NKD1: variants seen among roughly 807,000 people sequenced by gnomAD.
NKD1 encodes the protein protein naked cuticle homolog 1.
Under a neutral mutation model 56.0 loss-of-function variants are expected in NKD1, and 21 were observed. That is an observed-to-expected ratio of 0.38 (90% confidence interval 0.27 to 0.54). NKD1 has a LOEUF of 0.54. Among genes scored for constraint, NKD1 ranks in the 20% least tolerant of loss-of-function variants. The probability of loss-of-function intolerance (pLI) is 0.82; values close to 1 mark genes in which losing one functional copy is unlikely to be tolerated. For synonymous variants in NKD1, 263 were observed against 265.7 expected (o/e 0.99, Z 0.10); for missense variants, 578 against 642.7 (o/e 0.90, Z 1.09).
chr16:50,597,107 A>G (rs1320773995), intron 3 of NKD1, among the ~76,000 whole-genome samples: 3 of 152,114 alleles, frequency 2.0e-5, no homozygotes, highest in African/African-American at 7.2e-5. Flanking sequence ...GAGGGCAGAG[A>G]ATAGAAAATG....
chr16:50,575,042 C>T, intron 3 of NKD1: 2 of 985,130 alleles, frequency 2.0e-6, no homozygotes, highest in Non-Finnish European at 2.4e-6. Context: ...CTTCTGAACC[C>T]AGCTGTCTTC....
intron 4 of NKD1, among the ~76,000 whole-genome samples, chr16:50,609,471 G>T (rs992003309): frequency 6.6e-6 from 1 of 152,192 alleles, no homozygotes; most frequent in Non-Finnish European, 1.5e-5. Context: ...GGAGAGCTGG[G>T]GGGCCATGGT....
chr16:50,611,870 C>T (rs762766754), intron 4 of NKD1, among the ~76,000 whole-genome samples: 9 of 152,108 alleles, frequency 5.9e-5, no homozygotes, highest in Non-Finnish European at 4.4e-5. Flanking sequence ...GGATGTAGGT[C>T]GCAAGGGTGG....
chr16:50,617,403 A>T (rs1034580779), intron 4 of NKD1, among the ~76,000 whole-genome samples: 5 of 152,200 alleles, frequency 3.3e-5, no homozygotes, highest in South Asian at 2.1e-4. Flanking sequence ...TTTAAAATTT[A>T]ACTTTGCTTA....
chr16:50,558,951 G>A (rs908726423), intron 3 of NKD1, among the ~76,000 whole-genome samples: 11 of 151,978 alleles, frequency 7.2e-5, no homozygotes, highest in African/African-American at 2.7e-4. Flanking sequence ...CAAAGATGTG[G>A]GCTGGGAGAC....
At chr16:50,552,821 C>A (rs971801713) in intron 3 of NKD1, among the ~76,000 whole-genome samples, 1 of 152,142 alleles carries the variant, frequency 6.6e-6, no homozygotes, top group African/African-American at 2.4e-5. Flanking sequence ...AGTGATAGGG[C>A]TGGGATAAGA....
intron 3 of NKD1, among the ~76,000 whole-genome samples, chr16:50,587,735 G>C (rs1018666423): frequency 6.6e-6 from 1 of 152,180 alleles, no homozygotes; most frequent in African/African-American, 2.4e-5. Context: ...GCCAAGGGTG[G>C]GTACAGGTCT....
intron 8 of NKD1, among the ~76,000 whole-genome samples, chr16:50,631,373 T>G (rs767282906): frequency 6.6e-6 from 1 of 152,182 alleles, no homozygotes; most frequent in Non-Finnish European, 1.5e-5. Context: ...CACCTGTTAC[T>G]TCTTCAGCTG....
In NKD1 at chr16:50,550,111, A is replaced by G. The variant is rs116391158; in HGVS notation, c.192+556A>G. Among the ~76,000 whole-genome samples, 419 of 152,016 alleles carry G rather than the reference A, an allele frequency of 2.8e-3. 6 individuals are homozygous for G. Among genetic ancestry groups the G allele is most frequent in the African/African-American group, 9.7e-3 (400 of 41,448 alleles). ...CTTGGCATATGAGATAGAGGGCCTC[A>G]TTCCACTGTAGCCTGGGCAGAGCCC... is the stretch of plus-strand genomic sequence containing the variant. On this transcript the variant is annotated intron_variant, in intron 3 of 9. Coordinates refer to ENST00000268459, the MANE Select transcript of NKD1 (RefSeq NM_033119.5).
intron 4 of NKD1, among the ~76,000 whole-genome samples, chr16:50,615,681 T>C (rs1961944602): frequency 6.6e-6 from 1 of 152,206 alleles, no homozygotes; most frequent in Non-Finnish European, 1.5e-5. Context: ...AGGGGGCCAC[T>C]GGAGGGGTTT....
At chr16:50,609,851 G>A (rs973987122) in intron 4 of NKD1, among the ~76,000 whole-genome samples, 3 of 152,216 alleles carry the variant, frequency 2.0e-5, no homozygotes, top group Non-Finnish European at 4.4e-5. Flanking sequence ...AGAAAGCTTT[G>A]TGTGTGCATA....
chr16:50,596,917 G>A (rs1961485163), intron 3 of NKD1, among the ~76,000 whole-genome samples: 1 of 152,196 alleles, frequency 6.6e-6, no homozygotes, highest in Admixed American at 6.5e-5. Context: ...TGAAGACCCT[G>A]AATGGGGAAT....
At chr16:50,600,349 G>A (rs779633623) in intron 3 of NKD1, among the ~76,000 whole-genome samples, 3 of 151,922 alleles carry the variant, frequency 2.0e-5, no homozygotes, top group Non-Finnish European at 2.9e-5. Flanking sequence ...GGCCTGTGTC[G>A]GTGGGAGTCG....
In NKD1 at chr16:50,640,327, C is replaced by G. The variant is rs749001091; in HGVS notation, c.*6546C>G. The G allele has an allele frequency of 6.6e-6, 1 of 152,182 alleles. No homozygotes were observed. Among genetic ancestry groups the G allele is most frequent in the Non-Finnish European group, 1.5e-5 (1 of 67,996 alleles). 9.4% of individuals were successfully genotyped at this position (152,182 alleles called of 1,614,324 possible). ...ATCCCCCTGTTCTTCTAAAATAATT[C>G]TTTTCTAGGTATTTCTGATTGCAAA... On this transcript the variant is annotated 3_prime_UTR_variant, in exon 10 of 10. Transcript: ENST00000268459.
intron 3 of NKD1, among the ~76,000 whole-genome samples, chr16:50,568,800 C>T (rs941955141): frequency 7.9e-5 from 12 of 152,128 alleles, no homozygotes; most frequent in Admixed American, 2.6e-4. Context: ...TCTGCCCCCC[C>T]AGAGGATGGG....
chr16:50,566,263 C>T (rs1960756766), intron 3 of NKD1: 1 of 740,954 alleles, frequency 1.3e-6, no homozygotes, highest in Non-Finnish European at 1.6e-6. Context: ...GCTGGATCCA[C>T]CAGCCCAAAC....
chr16:50,562,983 A>ACCCCCCCCCCCCCC (rs1483596865), intron 3 of NKD1, among the ~76,000 whole-genome samples: 63 of 53,498 alleles, frequency 1.2e-3, no homozygotes, highest in African/African-American at 2.0e-3. Context: ...AGGTCCCACC[A>ACCCCCCCCCCCCCC]CCACCCCCCC....
chr16:50,564,256 A>G (rs1478020349), intron 3 of NKD1, among the ~76,000 whole-genome samples: 3 of 152,214 alleles, frequency 2.0e-5, no homozygotes, highest in African/African-American at 7.2e-5. Flanking sequence ...TGATGTCACA[A>G]ATCGGGGCCT....
At chr16:50,551,504 G>A (rs537752007) in intron 3 of NKD1, among the ~76,000 whole-genome samples, 66 of 152,360 alleles carry the variant, frequency 4.3e-4, no homozygotes, top group African/African-American at 1.5e-3. Flanking sequence ...GCAGGGGGCC[G>A]GCCTCTGTCT....
Sources: gnomAD v4.1 joint callset for allele counts (sites outside exome capture counted in the v4.1 genomes callset) on GRCh38, gnomAD v4.1.1 for gene constraint, MANE v1.5 for transcripts, NCBI Gene and HGNC (gene_info 2026-07-23, HGNC 2026-07-21) for gene names.